Variants in PAH observed in about 807,000 individuals in gnomAD.
The protein encoded by PAH is phenylalanine hydroxylase, also known as phenylalanine-4-hydroxylase.
In PAH, 64 loss-of-function variants were observed where a neutral mutation model predicts 62.0. The observed-to-expected ratio is 1.03, with a 90% CI of 0.84 to 1.27. The LOEUF is 1.27. Among genes scored for constraint, PAH ranks in the 50% most tolerant of loss-of-function variants. PAH has a pLI of 0.00. For synonymous variants in PAH, 195 were observed against 196.2 expected (o/e 0.99, Z 0.05); for missense variants, 579 against 542.8 (o/e 1.07, Z -0.66).
At chr12:102,895,191 A>G (rs1877449719) in intron 2 of PAH, among the ~76,000 whole-genome samples, 1 of 152,198 alleles carries the variant, frequency 6.6e-6, no homozygotes, top group African/African-American at 2.4e-5. Context: ...AATTGCCACT[A>G]TAAGATTTTG....
chr12:102,884,113 C>T (rs1565862131), intron 3 of PAH, among the ~76,000 whole-genome samples: 1 of 152,210 alleles, frequency 6.6e-6, no homozygotes, highest in Non-Finnish European at 1.5e-5. Flanking sequence ...TTGATCTATT[C>T]CCTTACATAA....
At chr12:102,941,032 G>T (rs1879268463) in intron 1 of PAH, among the ~76,000 whole-genome samples, 1 of 152,102 alleles carries the variant, frequency 6.6e-6, no homozygotes, top group Non-Finnish European at 1.5e-5. Flanking sequence ...CATTCCTAAA[G>T]AAAATAAATT....
intron 6 of PAH, among the ~76,000 whole-genome samples, chr12:102,853,995 C>A (rs1426590390): frequency 6.6e-6 from 1 of 152,138 alleles, no homozygotes. Flanking sequence ...TGTAGCTTCC[C>A]AACTGCTAGT....
intron 3 of PAH, 48 bp from the exon 4 acceptor site, chr12:102,877,598 G>C (rs375596744): frequency 1.2e-5 from 17 of 1,382,806 alleles, no homozygotes; most frequent in African/African-American, 2.8e-5. Context: ...GGCAGAACAT[G>C]GCCAAAGGCC....
At chr12:102,888,888 AT>A (rs1482815278) in intron 3 of PAH, among the ~76,000 whole-genome samples, 1 of 152,122 alleles carries the variant, frequency 6.6e-6, no homozygotes, top group Non-Finnish European at 1.5e-5. Context: ...ACAGAGCCAC[AT>A]ACATCTACAG....
intron 12 of PAH, 84 bp from the exon 13 acceptor site, chr12:102,839,302 GA>G: frequency 7.5e-7 from 1 of 1,330,890 alleles, no homozygotes; most frequent in Non-Finnish European, 1.1e-6. Flanking sequence ...AGCACTAGGG[GA>G]TAAGTGGGCT....
At chr12:102,867,144 C>T (rs186554594) in intron 4 of PAH, among the ~76,000 whole-genome samples, 1 of 152,298 alleles carries the variant, frequency 6.6e-6, no homozygotes. Flanking sequence ...TTTGTGAGTA[C>T]TAGGAACTGA....
intron 1 of PAH, among the ~76,000 whole-genome samples, chr12:102,915,888 CTTTG>C (rs977701226): frequency 7.9e-5 from 12 of 152,222 alleles, no homozygotes; most frequent in African/African-American, 2.6e-4. Flanking sequence ...CACGACACTA[CTTTG>C]TTTGTTATTA....
Position 102,837,997 on chromosome 12 carries a change from A to G in PAH, c.*1178T>C, listed in dbSNP as rs1460244226. The G allele has an allele frequency of 1.3e-5, 2 of 152,254 alleles. No individual in the cohort carries two copies. Among genetic ancestry groups the G allele is most frequent in the African/African-American group, 4.8e-5 (2 of 41,464 alleles). The allele number at this position is 152,254 out of a possible 1,614,324, so 9.4% of individuals were successfully genotyped here. On this transcript the variant is annotated 3_prime_UTR_variant, in exon 13 of 13. Coordinates refer to ENST00000553106, the MANE Select transcript of PAH (RefSeq NM_000277.3). ...TTCTGAGAACTAAACTCAAAGAAACACTATGCAAATTCTTTAAGACTTAAC... is the reference window on the plus strand; with the variant it reads ...TTCTGAGAACTAAACTCAAAGAAACGCTATGCAAATTCTTTAAGACTTAAC...
chr12:102,926,373 TA>T (rs1470286586), intron 1 of PAH, among the ~76,000 whole-genome samples: 1 of 151,436 alleles, frequency 6.6e-6, no homozygotes, highest in Non-Finnish European at 1.5e-5. Flanking sequence ...AATATATGAG[TA>T]AATGGGACTT....
rs139966950 is a variant in PAH, at chr12:102,843,535, A to C, written c.1199+111T>G. 261 of 1,056,810 alleles carry C rather than the reference A, an allele frequency of 2.5e-4. 3 individuals carry two copies. In the Middle Eastern group the frequency reaches 2.5e-3, roughly 10 times the overall value. 65.5% of individuals were successfully genotyped at this position (1,056,810 alleles called of 1,614,324 possible). A position where few individuals can be genotyped will look rare whatever the true frequency, so the allele number is the denominator to read the frequency against. On this transcript the variant is annotated intron_variant, in intron 11 of 12. Transcript: ENST00000553106. ...ACATGGGAGAGAAACTGTCTATGGTACAAAGTTGCTGTAGACATTGGAGTC... is the reference window on the plus strand; with the variant it reads ...ACATGGGAGAGAAACTGTCTATGGTCCAAAGTTGCTGTAGACATTGGAGTC...
chr12:102,853,381 AGTG>A, intron 6 of PAH: 30 of 297,192 alleles, frequency 1.0e-4, no homozygotes, highest in South Asian at 2.7e-4. Flanking sequence ...GTATGGATAG[AGTG>A]CTTCCAGCTT....
intron 1 of PAH, among the ~76,000 whole-genome samples, chr12:102,925,218 TCTC>T (rs1286734516): frequency 6.6e-6 from 1 of 152,300 alleles, no homozygotes; most frequent in East Asian, 1.9e-4. Flanking sequence ...GGCACACCCT[TCTC>T]CTTTTATTTT....
intron 4 of PAH, among the ~76,000 whole-genome samples, chr12:102,868,216 C>A (rs1182324222): frequency 7.5e-6 from 1 of 133,362 alleles, no homozygotes. Context: ...CAGGGCCTAC[C>A]AGTAATTGTA....
intron 2 of PAH, among the ~76,000 whole-genome samples, chr12:102,895,869 A>AAAAAATATATATATATATAT (rs953209518): frequency 8.4e-6 from 1 of 118,744 alleles, no homozygotes; most frequent in African/African-American, 3.6e-5. Context: ...AAAAAAAAAA[A>AAAAAATATATATATATATAT]ATATATATAT....
Position 102,843,272 on chromosome 12 carries a change from GAC to G in PAH, c.1199+372_1199+373del, listed in dbSNP as rs371218910. 2.7e-3 allele frequency among the ~76,000 whole-genome samples: 412 copies of G among 152,278 alleles called. 3 individuals carry two copies. The South Asian group carries it at 0.041, about 15-fold the overall frequency. Reference sequence around the variant, plus strand: ...CATATAGAGATTAAATTTGGGTAAAGACACAAAGGAGGAAGCAAATTTTGTAG... The same window carrying G: ...CATATAGAGATTAAATTTGGGTAAAGACAAAGGAGGAAGCAAATTTTGTAG... On this transcript the variant is annotated intron_variant, in intron 11 of 12. Transcript: ENST00000553106.
Position 102,883,505 on chromosome 12 carries a change from A to G in PAH, c.353-5955T>C, listed in dbSNP as rs779016688. ...ATTCAGCCCTCTTGGTAGGAGAAAC[A>G]AGACAAAATAAAACAAAACGAAAAC... On this transcript the variant is annotated intron_variant, in intron 3 of 12. Coordinates refer to ENST00000553106, the MANE Select transcript of PAH (RefSeq NM_000277.3). Among the ~76,000 whole-genome samples, 20 of 152,246 alleles carry G rather than the reference A, an allele frequency of 1.3e-4. 1 individual carries two copies. Among genetic ancestry groups the G allele is most frequent in the Non-Finnish European group, 2.2e-4 (15 of 68,040 alleles).
chr12:102,920,850 T>C (rs1878533098), upstream of PAH, among the ~76,000 whole-genome samples: 3 of 152,234 alleles, frequency 2.0e-5, no homozygotes, highest in Admixed American at 2.0e-4. Context: ...TGAATATGTA[T>C]CTAGTTCTTT....
chr12:102,885,088 A>T (rs930107100), intron 3 of PAH, among the ~76,000 whole-genome samples: 4 of 152,162 alleles, frequency 2.6e-5, no homozygotes, highest in African/African-American at 9.7e-5. Context: ...TAAATTTTAG[A>T]TTCCTTTTCT....
Sources: gnomAD v4.1 joint callset for allele counts (sites outside exome capture counted in the v4.1 genomes callset) on GRCh38, gnomAD v4.1.1 for gene constraint, MANE v1.5 for transcripts, NCBI Gene and HGNC (gene_info 2026-07-23, HGNC 2026-07-21) for gene names.